SLITRK4: variants seen among roughly 807,000 people sequenced by gnomAD.
The protein encoded by SLITRK4 is SLIT and NTRK like family member 4, also known as SLIT and NTRK-like protein 4.
Under a neutral mutation model 34.7 loss-of-function variants are expected in SLITRK4, and 7 were observed. The ratio of observed to expected loss-of-function variants is 0.20; its 90% confidence interval spans 0.11 to 0.38. The LOEUF is 0.38. SLITRK4 is among the 10% of genes least tolerant of loss of function. SLITRK4 has a pLI of 1.00. For synonymous variants in SLITRK4, 237 were observed against 246.2 expected (o/e 0.96, Z 0.35); for missense variants, 474 against 607.0 (o/e 0.78, Z 2.30).
Position 143,629,926 on chromosome X carries a change from A to C in SLITRK4, c.1183T>G (p.Ser395Ala), listed in dbSNP as rs782269068. 1.3e-5 allele frequency: 16 copies of C among 1,211,702 alleles called. No individual in the cohort carries two copies. In the South Asian group the frequency reaches 2.8e-4, roughly 21 times the overall value. ...NGNSIKDVDVSDFTDFEGLDL... is the reference protein window; with the variant it reads ...NGNSIKDVDVADFTDFEGLDL... The stretch of plus-strand genomic sequence containing the variant: ...AGTCCTTCAAAGTCAGTGAAGTCTG[A>C]TACGTCCACATCCTTGATGCTATTG... Residue 395 changes from serine (S) to alanine (A), a missense_variant, in exon 2 of 2, where the codon TCA becomes GCA. This residue lies in a region of SLITRK4 where 345 missense variants were observed against 406.5 expected (regional missense o/e 0.85). Transcript: ENST00000356928.
chrX:143,633,273 C>T (rs1212283017), intron 1 of SLITRK4, among the ~76,000 whole-genome samples: 1 of 109,885 alleles, frequency 9.1e-6, no homozygotes, highest in African/African-American at 3.3e-5. Flanking sequence ...ACTGAAAGGG[C>T]AAGAGACCAT....
At position 143,629,494 on chromosome X, in the gene SLITRK4, A is replaced by T; in HGVS notation, c.1615T>A (p.Leu539Met). 8.3e-7 allele frequency: 1 copy of T among 1,211,745 alleles called. No homozygotes were observed. The highest frequency in any genetic ancestry group is 1.8e-5 in the South Asian group (1 of 56,954). Residue 539 changes from leucine to methionine, a missense_variant, in exon 2 of 2, where the codon TTG becomes ATG. By Grantham distance (15) the Leu-to-Met change is conservative (BLOSUM62 2). Coordinates refer to ENST00000356928, the MANE Select transcript of SLITRK4 (RefSeq NM_001184749.3). Reference protein sequence around the residue: ...EGNPWDCTCDLVALKLWVEKL... With the variant: ...EGNPWDCTCDMVALKLWVEKL... ...TCCACCCACAGCTTTAATGCCACCA[A>T]GTCACAAGTACAGTCCCATGGGTTG...
intron 1 of SLITRK4, chrX:143,634,549 G>C (rs944071820): frequency 1.9e-5 from 2 of 108,102 alleles, no homozygotes; most frequent in South Asian, 4.2e-4. Flanking sequence ...TGGGGGGGGG[G>C]GCGGGCAGCG....
chrX:143,635,501 C>CAT (rs1219714259), intron 1 of SLITRK4, among the ~76,000 whole-genome samples: 3 of 102,142 alleles, frequency 2.9e-5, no homozygotes, highest in Non-Finnish European at 6.0e-5. Context: ...CACACACACA[C>CAT]ACACACACAC....
rs1228289766 is a variant in SLITRK4, at chrX:143,623,894, A to C, written c.*4701T>G. On this transcript the variant is annotated 3_prime_UTR_variant, in exon 2 of 2. Coordinates refer to ENST00000356928, the MANE Select transcript of SLITRK4 (RefSeq NM_001184749.3). ...TTGTCTACATAACAGAAGTGGCTGG[A>C]ACCCAAAGCTCTGTGCTCAGTACTC... 9.0e-6 allele frequency: 1 copy of C among 111,588 alleles called. No individual in the cohort carries two copies. Among genetic ancestry groups the C allele is most frequent in the African/African-American group, 3.3e-5 (1 of 30,751 alleles). The allele number at this position is 111,588 out of a possible 1,213,427, so 9.2% of individuals were successfully genotyped here.
At position 143,635,875 on chromosome X, in the gene SLITRK4, G is replaced by A. The variant is rs1180863488; in HGVS notation, c.-191C>T. 9.1e-6 allele frequency: 1 copy of A among 110,140 alleles called. No homozygotes were observed. The highest frequency in any genetic ancestry group is 3.3e-5 in the African/African-American group (1 of 30,206). 9.1% of individuals were successfully genotyped at this position (110,140 alleles called of 1,213,427 possible). On this transcript the variant is annotated 5_prime_UTR_variant, in exon 1 of 2. Transcript: ENST00000356928. ...ACTCCCCCTACCTGTCTGCGCGTAA[G>A]GGGCCAGGGGCTTTAAGGCGAAAGT...
chrX:143,631,413 A>G (rs782363656), intron 1 of SLITRK4, among the ~76,000 whole-genome samples: 1 of 111,185 alleles, frequency 9.0e-6, no homozygotes, highest in South Asian at 3.8e-4. Flanking sequence ...ATATATTATC[A>G]ATCATGCTTA....
At position 143,630,259 on chromosome X, in the gene SLITRK4, A is replaced by T; in HGVS notation, c.850T>A (p.Tyr284Asn). The part of the protein sequence containing the change: ...ILPPSQLENG[Y>N]TTPNGHTTQT... ...GTAGTGTGACCATTGGGAGTGGTGT[A>T]GCCATTTTCCAGCTGAGATGGAGGC... Residue 284 changes from tyrosine to asparagine, a missense_variant, in exon 2 of 2, where the codon TAC (tyrosine) becomes AAC (asparagine). Physicochemically the swap from Tyr to Asn is moderately radical, Grantham distance 143. Coordinates refer to ENST00000356928, the MANE Select transcript of SLITRK4 (RefSeq NM_001184749.3). 8.3e-7 allele frequency: 1 copy of T among 1,211,966 alleles called. No individual in the cohort carries two copies. Among genetic ancestry groups the T allele is most frequent in the Non-Finnish European group, 1.1e-6 (1 of 895,589 alleles).
Position 143,628,495 on chromosome X carries a change from T to C in SLITRK4, c.*100A>G. The C allele has an allele frequency of 4.7e-6, 3 of 641,992 alleles. No individual in the cohort carries two copies. The highest frequency in any genetic ancestry group is 6.1e-5 in the South Asian group (2 of 32,744). 52.9% of individuals were successfully genotyped at this position (641,992 alleles called of 1,213,427 possible). On this transcript the variant is annotated 3_prime_UTR_variant, in exon 2 of 2. Transcript: ENST00000356928. ...TGAGACACCCTTGGAAACACCTGCC[T>C]CCATGCCTATTGATAATATAGTATT... is the stretch of plus-strand genomic sequence containing the variant.
chrX:143,636,029 T>TGGGGATA lies in SLITRK4; in HGVS notation c.-352_-346dup, dbSNP rs1248510957. The stretch of plus-strand genomic sequence containing the variant: ...AGCCGGATGATCTTGGAGCTGGGGG[T>TGGGGATA]GGGGATAGGGGATAGGGGATAGGGG... On this transcript the variant is annotated 5_prime_UTR_variant, in exon 1 of 2. Transcript: ENST00000356928. Among the ~76,000 whole-genome samples, 1 of 59,606 alleles carries TGGGGATA rather than the reference T, an allele frequency of 1.7e-5. No homozygotes were observed. The highest frequency in any genetic ancestry group is 2.2e-4 in the Admixed American group (1 of 4,555). The allele number at this position is 59,606 out of a possible 115,157, so 51.8% of individuals were successfully genotyped here. A position where few individuals can be genotyped will look rare whatever the true frequency, so the allele number is the denominator to read the frequency against.
At chrX:143,635,417 C>A (rs1212599534) in intron 1 of SLITRK4, among the ~76,000 whole-genome samples, 1 of 103,423 alleles carries the variant, frequency 9.7e-6, no homozygotes, top group African/African-American at 3.5e-5. Flanking sequence ...CGCCTCCATC[C>A]CCCCCACCAC....
In SLITRK4 at chrX:143,629,323, G is replaced by A; in HGVS notation, c.1786C>T (p.Pro596Ser). The A allele has an allele frequency of 2.5e-6, 3 of 1,211,998 alleles. No individual in the cohort carries two copies. The highest frequency in any genetic ancestry group is 3.3e-6 in the Non-Finnish European group (3 of 895,560). ...KPSAPFTSPA[P>S]AITFTTPLGP... is the part of the protein sequence containing the mutation. The stretch of plus-strand genomic sequence containing the variant: ...AAAGGAGTGGTGAATGTAATGGCAG[G>A]TGCAGGGCTTGTGAATGGTGCAGAC... The change falls in exon 2 of 2, where the codon CCT becomes TCT. Residue 596 changes from proline to serine, a missense_variant. Around this residue, in one of 3 missense-constraint regions of SLITRK4, gnomAD observed 345 missense variants for 406.5 expected, o/e 0.85. Transcript: ENST00000356928.
intron 1 of SLITRK4, among the ~76,000 whole-genome samples, chrX:143,632,152 A>T (rs1931059611): frequency 9.0e-6 from 1 of 111,687 alleles, no homozygotes; most frequent in Non-Finnish European, 1.9e-5. Flanking sequence ...GAGGAAGGGG[A>T]GTTCACACAA....
Position 143,628,291 on chromosome X carries a change from G to T in SLITRK4, c.*304C>A. 1 of 307,704 alleles carries T rather than the reference G, an allele frequency of 3.2e-6. No individual in the cohort carries two copies. The highest frequency in any genetic ancestry group is 5.6e-6 in the Non-Finnish European group (1 of 177,558). The allele number at this position is 307,704 out of a possible 1,213,427, so 25.4% of individuals were successfully genotyped here. ...CAAAGCACAAAGAGACGAAGGTTTT[G>T]CATTGGGGTACAAAACAGATTTGCC... On this transcript the variant is annotated 3_prime_UTR_variant, in exon 2 of 2. Coordinates refer to ENST00000356928, the MANE Select transcript of SLITRK4 (RefSeq NM_001184749.3).
At chrX:143,632,344 A>G (rs1193772088) in intron 1 of SLITRK4, among the ~76,000 whole-genome samples, 8 of 111,713 alleles carry the variant, frequency 7.2e-5, no homozygotes, top group African/African-American at 2.3e-4. Context: ...AAAATAACTC[A>G]TCGTTTTCAG....
In SLITRK4 at chrX:143,623,361, G is replaced by T. The variant is rs1556424947; in HGVS notation, c.*5234C>A. The T allele has an allele frequency of 9.1e-6, 1 of 109,941 alleles. No homozygotes were observed. The highest frequency in any genetic ancestry group is 3.8e-4 in the South Asian group (1 of 2,630). The allele number at this position is 109,941 out of a possible 1,213,427, so 9.1% of individuals were successfully genotyped here. On this transcript the variant is annotated 3_prime_UTR_variant, in exon 2 of 2. Coordinates refer to ENST00000356928, the MANE Select transcript of SLITRK4 (RefSeq NM_001184749.3). ...GAAGCTTGAATCTTTATTCTCAATAGCAATTATTTGGTCTAAAATATTCAA... is the reference window on the plus strand; with the variant it reads ...GAAGCTTGAATCTTTATTCTCAATATCAATTATTTGGTCTAAAATATTCAA...
intron 1 of SLITRK4, among the ~76,000 whole-genome samples, chrX:143,632,207 T>C (rs1193745070): frequency 2.7e-5 from 3 of 111,700 alleles, no homozygotes; most frequent in Admixed American, 9.5e-5. Context: ...ATATGTTCAG[T>C]ACAGCACATT....
Position 143,630,708 on chromosome X carries a change from T to A in SLITRK4, c.401A>T (p.Glu134Val). ...TAAATTGTAGTCAGCCTGGAGATACTCCAAGTTCTCTATGCCAAGGAAAGT... is the reference window on the plus strand; with the variant it reads ...TAAATTGTAGTCAGCCTGGAGATACACCAAGTTCTCTATGCCAAGGAAAGT... ...ADTFLGIENLEYLQADYNLIK... is the reference protein window; with the variant it reads ...ADTFLGIENLVYLQADYNLIK... The change falls in exon 2 of 2, where the codon GAG (glutamate) becomes GTG (valine). Residue 134 changes from glutamate to valine, a missense_variant. Transcript: ENST00000356928. 8.3e-7 allele frequency: 1 copy of A among 1,210,393 alleles called. No individual in the cohort carries two copies. The highest frequency in any genetic ancestry group is 1.7e-5 in the African/African-American group (1 of 57,728).
rs1166723245 is a variant in SLITRK4, at chrX:143,630,498, C to T, written c.611G>A (p.Arg204His). Reference protein sequence around the residue: ...PYIGVLEHIGRVVELQLEDNP... With the variant: ...PYIGVLEHIGHVVELQLEDNP... ...ATCTTCCAGTTGCAATTCAACGACA[C>T]GGCCAATGTGTTCCAGAACCCCGAT... Residue 204 changes from arginine (R) to histidine (H), a missense_variant, in exon 2 of 2, where the codon CGT (arginine) becomes CAT (histidine). Physicochemically the swap from Arg to His is conservative, Grantham distance 29. This residue lies in a region of SLITRK4 where 45 missense variants were observed against 99.2 expected (regional missense o/e 0.45). Coordinates refer to ENST00000356928, the MANE Select transcript of SLITRK4 (RefSeq NM_001184749.3). 7 of 1,211,642 alleles carry T rather than the reference C, an allele frequency of 5.8e-6. No homozygotes were observed. Among genetic ancestry groups the T allele is most frequent in the African/African-American group, 1.7e-5 (1 of 57,711 alleles).
Sources: allele counts gnomAD v4.1 joint callset (sites outside exome capture counted in the v4.1 genomes callset), GRCh38; gene constraint gnomAD v4.1.1; regional missense constraint gnomAD v4.1.1; transcripts MANE v1.5; gene names NCBI Gene and HGNC (gene_info 2026-07-23, HGNC 2026-07-21).